RNF169: variants seen among roughly 807,000 people sequenced by gnomAD.
The protein encoded by RNF169 is E3 ubiquitin-protein ligase RNF169.
A neutral mutation model predicts 53.9 loss-of-function variants in RNF169; 24 were observed. That is an observed-to-expected ratio of 0.45 (90% CI 0.32 to 0.63). The LOEUF (loss-of-function observed/expected upper bound fraction) is 0.63. Ranked by LOEUF, RNF169 falls within the 20% of genes least tolerant of loss-of-function variation. The pLI is 0.04. For missense variants in RNF169, 883 were observed against 906.2 expected (o/e 0.97, Z 0.33); for synonymous variants, 396 against 363.5 (o/e 1.09, Z -1.02).
intron 1 of RNF169, among the ~76,000 whole-genome samples, chr11:74,766,230 A>G (rs1399171757): frequency 6.6e-6 from 1 of 152,230 alleles, no homozygotes; most frequent in Admixed American, 6.5e-5. Flanking sequence ...ACTAATTAGC[A>G]AAGAGTAAAA....
chr11:74,832,836 C>T (rs927886030), intron 4 of RNF169, among the ~76,000 whole-genome samples: 1 of 152,174 alleles, frequency 6.6e-6, no homozygotes, highest in Non-Finnish European at 1.5e-5. Context: ...ATACAGTATA[C>T]TTCTGGGTGG....
At chr11:74,831,691 C>CT (rs1055852604) in intron 4 of RNF169, 12 of 138,022 alleles carry the variant, frequency 8.7e-5, no homozygotes, top group African/African-American at 3.4e-4. Context: ...TTAAAACAAT[C>CT]TTGAAAAAAA....
At chr11:74,825,405 A>G (rs762415949) in intron 4 of RNF169, among the ~76,000 whole-genome samples, 2 of 152,218 alleles carry the variant, frequency 1.3e-5, no homozygotes, top group Non-Finnish European at 2.9e-5. Flanking sequence ...AGAGGAATGA[A>G]AATAAAAACC....
chr11:74,801,482 C>G (rs953504787), intron 2 of RNF169, among the ~76,000 whole-genome samples: 7 of 152,204 alleles, frequency 4.6e-5, no homozygotes, highest in African/African-American at 1.7e-4. Context: ...GTTTGATTAA[C>G]TAGTTTATGT....
intron 4 of RNF169, among the ~76,000 whole-genome samples, chr11:74,827,064 C>T (rs1024024530): frequency 6.6e-6 from 1 of 152,226 alleles, no homozygotes; most frequent in Non-Finnish European, 1.5e-5. Flanking sequence ...CCCTTCCACA[C>T]TGCCCTAGCA....
At position 74,749,237 on chromosome 11, in the gene RNF169, C is replaced by T; in HGVS notation, c.357C>T (p.Arg119=). 9.3e-7 allele frequency: 1 copy of T among 1,080,286 alleles called. No homozygotes were observed. The highest frequency in any genetic ancestry group is 1.1e-6 in the Non-Finnish European group (1 of 893,344). 66.9% of individuals were successfully genotyped at this position (1,080,286 alleles called of 1,614,324 possible). A position where few individuals can be genotyped will look rare whatever the true frequency, so the allele number is the denominator to read the frequency against. ...CAGGCTGGGCCCGCCGTCGGGCCCG[C>T]GACGACGGCCAGGCCGACTCAGAGG... ...RGPGWARRRA[R]DDGQADSEVL... The change falls in exon 1 of 6, where the codon CGC becomes CGT. Residue 119 remains arginine (R), a synonymous_variant. Coordinates refer to ENST00000299563, the MANE Select transcript of RNF169 (RefSeq NM_001098638.2).
chr11:74,793,898 T>G (rs1052916650), intron 2 of RNF169, among the ~76,000 whole-genome samples: 1 of 152,126 alleles, frequency 6.6e-6, no homozygotes, highest in East Asian at 1.9e-4. Flanking sequence ...GAATCAATAG[T>G]TTAGTGTTTA....
At chr11:74,834,811 G>C in intron 5 of RNF169, 36 bp downstream of exon 5, 1 of 1,455,982 alleles carries the variant, frequency 6.9e-7, no homozygotes, top group Non-Finnish European at 9.6e-7. Flanking sequence ...GGCTTGTGAG[G>C]CTTGCCCCAT....
intron 4 of RNF169, chr11:74,830,796 C>T (rs543096866): frequency 6.6e-6 from 1 of 152,058 alleles, no homozygotes; most frequent in Non-Finnish European, 1.5e-5. Flanking sequence ...CAAAATCCAG[C>T]AGCATTTTTT....
chr11:74,822,989 T>G (rs1728739265), intron 4 of RNF169, among the ~76,000 whole-genome samples: 1 of 152,196 alleles, frequency 6.6e-6, no homozygotes, highest in African/African-American at 2.4e-5. Flanking sequence ...AGATTATTGT[T>G]TGGGCACTTT....
intron 1 of RNF169, among the ~76,000 whole-genome samples, chr11:74,781,397 C>G (rs912373965): frequency 6.6e-6 from 1 of 152,058 alleles, no homozygotes; most frequent in Non-Finnish European, 1.5e-5. Context: ...ACAGATAAAC[C>G]CAGAGACCAG....
At position 74,841,147 on chromosome 11, in the gene RNF169, C is replaced by T. The variant is rs1220432023; in HGVS notation, c.*4417C>T. On this transcript the variant is annotated 3_prime_UTR_variant, in exon 6 of 6. Transcript: ENST00000299563. ...ATTTTAATTAAGAATTAAAAGCCAG[C>T]TAGCCAAATTTTCTTTAAAAATTGG... The T allele has an allele frequency of 6.6e-6, 1 of 152,096 alleles. No individual in the cohort carries two copies. The highest frequency in any genetic ancestry group is 1.5e-5 in the Non-Finnish European group (1 of 68,018). The allele number at this position is 152,096 out of a possible 1,614,324, so 9.4% of individuals were successfully genotyped here. A position where few individuals can be genotyped will look rare whatever the true frequency, so the allele number is the denominator to read the frequency against.
chr11:74,796,908 T>C (rs925687707), intron 2 of RNF169, among the ~76,000 whole-genome samples: 1 of 152,224 alleles, frequency 6.6e-6, no homozygotes, highest in Admixed American at 6.5e-5. Flanking sequence ...TGGAATGCGT[T>C]GGCTATTCAC....
chr11:74,802,131 A>G (rs2035739986), intron 2 of RNF169, among the ~76,000 whole-genome samples: 1 of 152,160 alleles, frequency 6.6e-6, no homozygotes, highest in Admixed American at 6.5e-5. Flanking sequence ...ACCAGTTGAG[A>G]TAAGAAAATC....
chr11:74,836,480 G>A lies in RNF169; in HGVS notation c.1877G>A (p.Cys626Tyr), dbSNP rs1248786175. The part of the protein sequence containing the change: ...PSLRRGRKRH[C>Y]KTKHLEQNGS... ...TTGCGTCGAGGCCGGAAAAGACACTGCAAGACCAAGCACTTAGAACAAAAT... is the reference window on the plus strand; with the variant it reads ...TTGCGTCGAGGCCGGAAAAGACACTACAAGACCAAGCACTTAGAACAAAAT... Residue 626 changes from cysteine (C) to tyrosine (Y), a missense_variant, in exon 6 of 6, where the codon TGC (cysteine) becomes TAC (tyrosine). Transcript: ENST00000299563. 13 of 1,614,194 alleles carry A rather than the reference G, an allele frequency of 8.1e-6. No homozygotes were observed. Among genetic ancestry groups the A allele is most frequent in the Non-Finnish European group, 1.1e-5 (13 of 1,180,038 alleles).
intron 4 of RNF169, among the ~76,000 whole-genome samples, chr11:74,822,801 T>C (rs2036034137): frequency 6.9e-6 from 1 of 145,586 alleles, no homozygotes; most frequent in African/African-American, 2.8e-5. Flanking sequence ...GTTGATGTTT[T>C]CTTTCTTTTC....
At chr11:74,770,798 CGTTTT>C (rs2035248872) in intron 1 of RNF169, among the ~76,000 whole-genome samples, 1 of 151,982 alleles carries the variant, frequency 6.6e-6, no homozygotes, top group African/African-American at 2.4e-5. Context: ...ATGCATTTTT[CGTTTT>C]GTTTTGTTTT....
chr11:74,822,171 A>G (rs961942467), intron 4 of RNF169, among the ~76,000 whole-genome samples: 7 of 152,236 alleles, frequency 4.6e-5, no homozygotes, highest in Admixed American at 4.6e-4. Context: ...GGTACCCTTA[A>G]GAAACAAGTA....
intron 2 of RNF169, among the ~76,000 whole-genome samples, chr11:74,796,913 A>C (rs147774351): frequency 2.0e-4 from 31 of 152,284 alleles, no homozygotes; most frequent in Middle Eastern, 3.4e-3. Context: ...TGCGTTGGCT[A>C]TTCACAGGTG....
Sources: gnomAD v4.1 joint callset for allele counts (sites outside exome capture counted in the v4.1 genomes callset) on GRCh38, gnomAD v4.1.1 for gene constraint, MANE v1.5 for transcripts, NCBI Gene and HGNC (gene_info 2026-07-23, HGNC 2026-07-21) for gene names.